The following FSIP1 variants were observed in gnomAD, a reference collection of about 807,000 sequenced individuals.
FSIP1 encodes fibrous sheath interacting protein 1.
In FSIP1, 65 loss-of-function variants were observed where a neutral mutation model predicts 60.9. The observed-to-expected ratio is 1.07, with a 90% CI of 0.87 to 1.31. The LOEUF is 1.31. Ranked by LOEUF, FSIP1 falls within the 40% of genes most tolerant of loss-of-function variation. The pLI, the probability that FSIP1 is intolerant of heterozygous loss-of-function variation, is 0.00. For synonymous variants in FSIP1, 209 were observed against 221.2 expected, an observed-to-expected ratio of 0.94 and a Z score of 0.49; for missense variants, 675 against 665.5, an observed-to-expected ratio of 1.01 and a Z score of -0.16.
chr15:39,771,394 T>A (rs188038138), intron 2 of FSIP1, among the ~76,000 whole-genome samples: 72 of 152,196 alleles, frequency 4.7e-4, no homozygotes, highest in Middle Eastern at 3.4e-3. Context: ...CCTCTGTAGG[T>A]TTTGTGTTTT....
rs1021411160 is a variant in FSIP1, at chr15:39,709,908, GC to G, written c.1188+3535del. Among the ~76,000 whole-genome samples the G allele has an allele frequency of 1.1e-4, 16 of 152,278 alleles. No homozygotes were observed. In the South Asian group the frequency reaches 1.7e-3, roughly 16 times the overall value. ...CCTGCTGCTCACCACCTGCTGAGCG[GC>G]CCAGTACCTGGTCCTTGGCCCAGGC... is the stretch of plus-strand genomic sequence containing the variant. On this transcript the variant is annotated intron_variant, in intron 10 of 11. Coordinates refer to ENST00000350221, the MANE Select transcript of FSIP1 (RefSeq NM_152597.5).
At chr15:39,637,605 G>A (rs1892188704) in intron 10 of FSIP1, among the ~76,000 whole-genome samples, 1 of 152,154 alleles carries the variant, frequency 6.6e-6, no homozygotes, top group Non-Finnish European at 1.5e-5. Flanking sequence ...TCTGTAGTCT[G>A]TCCATTAGTA....
At chr15:39,628,653 ACT>A (rs745474286) in intron 10 of FSIP1, among the ~76,000 whole-genome samples, 29 of 151,746 alleles carry the variant, frequency 1.9e-4, no homozygotes, top group Non-Finnish European at 3.7e-4. Flanking sequence ...CAGCTTGCAA[ACT>A]CTCTCTCTGA....
rs552987293 is a variant in FSIP1, at chr15:39,659,813, T to C, written c.1189-41568A>G. Among the ~76,000 whole-genome samples, 21 of 152,266 alleles carry C rather than the reference T, an allele frequency of 1.4e-4. No homozygotes were observed. The South Asian group carries it at 4.4e-3, about 32-fold the overall frequency. On this transcript the variant is annotated intron_variant, in intron 10 of 11. Coordinates refer to ENST00000350221, the MANE Select transcript of FSIP1 (RefSeq NM_152597.5). ...TAACATGTTCATTCTGGAATTTTTA[T>C]TGCAATTTTGCTTCTAAAATTGGAA...
chr15:39,739,729 G>C lies in FSIP1; in HGVS notation c.716C>G (p.Ser239Trp). 1.3e-6 allele frequency: 2 copies of C among 1,598,284 alleles called. No homozygotes were observed. Among genetic ancestry groups the C allele is most frequent in the Non-Finnish European group, 1.7e-6 (2 of 1,174,454 alleles). ...SLIKSGKKPF[S>W]NTEKIELRGK... is the part of the protein sequence containing the mutation. ...CCTGAGCTCAATCTTTTCTGTATTC[G>C]AGAAAGGTTTCTTTCCTGATTTGAT... is the stretch of plus-strand genomic sequence containing the variant. Residue 239 changes from serine to tryptophan, a missense_variant, in exon 7 of 12, where the codon TCG (serine) becomes TGG (tryptophan). Transcript: ENST00000350221.
chr15:39,763,193 G>A (rs973234252), intron 5 of FSIP1, among the ~76,000 whole-genome samples: 1 of 152,098 alleles, frequency 6.6e-6, no homozygotes, highest in African/African-American at 2.4e-5. Context: ...AATGATCTAT[G>A]AATTTAATAT....
chr15:39,781,497 A>G (rs1240578195), intron 1 of FSIP1, among the ~76,000 whole-genome samples: 2 of 151,154 alleles, frequency 1.3e-5, no homozygotes, highest in Non-Finnish European at 2.9e-5. Flanking sequence ...TCACACACAC[A>G]AAAAAAAACC....
chr15:39,622,725 G>C (rs1485198230), intron 10 of FSIP1, among the ~76,000 whole-genome samples: 2 of 152,158 alleles, frequency 1.3e-5, no homozygotes, highest in African/African-American at 4.8e-5. Flanking sequence ...CTAAACCGTG[G>C]ACTTGAAATT....
intron 5 of FSIP1, among the ~76,000 whole-genome samples, chr15:39,760,388 T>G (rs1224218227): frequency 1.3e-5 from 2 of 152,094 alleles, no homozygotes; most frequent in Admixed American, 6.5e-5. Context: ...AATAGTAATT[T>G]TACAGTGCAG....
intron 8 of FSIP1, among the ~76,000 whole-genome samples, chr15:39,728,771 A>G (rs1042579652): frequency 2.6e-5 from 4 of 152,258 alleles, no homozygotes; most frequent in South Asian, 2.1e-4. Context: ...ATGGGACCTA[A>G]TTAAAGAGCT....
At chr15:39,762,606 G>T (rs1023850478) in intron 5 of FSIP1, among the ~76,000 whole-genome samples, 1 of 152,108 alleles carries the variant, frequency 6.6e-6, no homozygotes, top group African/African-American at 2.4e-5. Flanking sequence ...TGGCTTGCTT[G>T]GGTTTCTCAC....
At chr15:39,608,574 C>T (rs1197665975) in intron 11 of FSIP1, among the ~76,000 whole-genome samples, 1 of 152,176 alleles carries the variant, frequency 6.6e-6, no homozygotes, top group African/African-American at 2.4e-5. Flanking sequence ...CAATATACTT[C>T]AATTTCAGAG....
At chr15:39,615,748 CA>C (rs1891205079) in intron 11 of FSIP1, among the ~76,000 whole-genome samples, 1 of 136,278 alleles carries the variant, frequency 7.3e-6, no homozygotes, top group African/African-American at 2.8e-5. Flanking sequence ...AAAAAAAAGT[CA>C]AACTCATGGA....
intron 10 of FSIP1, among the ~76,000 whole-genome samples, chr15:39,666,407 T>C (rs1893496167): frequency 1.3e-5 from 2 of 152,244 alleles, no homozygotes; most frequent in South Asian, 4.1e-4. Context: ...TGAATGATTA[T>C]GAACTATTTT....
intron 10 of FSIP1, among the ~76,000 whole-genome samples, chr15:39,691,566 G>T (rs1482764083): frequency 6.6e-6 from 1 of 152,226 alleles, no homozygotes; most frequent in African/African-American, 2.4e-5. Flanking sequence ...TTAGGTTCCG[G>T]GATGAGTCTG....
At chr15:39,654,914 A>G (rs1893013316) in intron 10 of FSIP1, among the ~76,000 whole-genome samples, 1 of 152,262 alleles carries the variant, frequency 6.6e-6, no homozygotes, top group Admixed American at 6.5e-5. Context: ...AAGGCAAATC[A>G]TGAAATCACG....
Position 39,602,358 on chromosome 15 carries a change from T to A in FSIP1, c.1700-1432A>T, listed in dbSNP as rs1481877259. 64 of 456,286 alleles carry A rather than the reference T, an allele frequency of 1.4e-4. No individual in the cohort carries two copies. The East Asian group carries it at 2.9e-3, about 21-fold the overall frequency. 28.3% of individuals were successfully genotyped at this position (456,286 alleles called of 1,614,324 possible). Reference sequence around the variant, plus strand: ...AGCGTTCTCTCCTAGGGCCTCCAGGTGGCGTGTGGCCTTGGTGACACCTTG... The same window carrying A: ...AGCGTTCTCTCCTAGGGCCTCCAGGAGGCGTGTGGCCTTGGTGACACCTTG... On this transcript the variant is annotated intron_variant, in intron 11 of 11. Transcript: ENST00000350221.
chr15:39,659,840 G>A (rs1481371450), intron 10 of FSIP1, among the ~76,000 whole-genome samples: 4 of 152,088 alleles, frequency 2.6e-5, no homozygotes, highest in African/African-American at 7.2e-5. Flanking sequence ...AAATTGGAAC[G>A]TAATAATGTA....
chr15:39,740,548 C>T (rs1906164), intron 6 of FSIP1, among the ~76,000 whole-genome samples: 77,927 of 151,922 alleles, frequency 0.51, 20,773 homozygotes, highest in African/African-American at 0.65. Context: ...TCTCCTTATA[C>T]AACACATGCA....
Sources: gnomAD v4.1 joint callset for allele counts (sites outside exome capture counted in the v4.1 genomes callset) on GRCh38, gnomAD v4.1.1 for gene constraint, MANE v1.5 for transcripts, NCBI Gene and HGNC (gene_info 2026-07-23, HGNC 2026-07-21) for gene names.